The following GRIK4 variants were observed in gnomAD, a reference collection of about 807,000 sequenced individuals.
GRIK4 encodes glutamate receptor ionotropic, kainate 4.
In GRIK4, 40 loss-of-function variants were observed where a neutral mutation model predicts 104.9. That is an observed-to-expected ratio of 0.38 (90% CI 0.30 to 0.50). GRIK4 has a LOEUF of 0.50. GRIK4 is among the 20% of genes least tolerant of loss of function. GRIK4 has a pLI of 0.93. For missense variants in GRIK4, 1,047 were observed against 1,308.1 expected, an observed-to-expected ratio of 0.80 and a Z score of 3.08; for synonymous variants, 485 against 524.9, an observed-to-expected ratio of 0.92 and a Z score of 1.04.
intron 10 of GRIK4, among the ~76,000 whole-genome samples, 197 bp downstream of exon 10, chr11:120,874,415 A>T (rs1360133449): frequency 6.6e-6 from 1 of 152,202 alleles, no homozygotes. Context: ...CCCAATAACC[A>T]CTGAGAATTC....
chr11:120,571,138 TC>T, intron 1 of GRIK4, among the ~76,000 whole-genome samples: 1 of 152,304 alleles, frequency 6.6e-6, no homozygotes, highest in South Asian at 2.1e-4. Context: ...TCCTGGGACT[TC>T]CCTTGGCCCC....
intron 6 of GRIK4, among the ~76,000 whole-genome samples, chr11:120,829,402 G>A (rs1406377098): frequency 6.6e-6 from 1 of 152,152 alleles, no homozygotes; most frequent in African/African-American, 2.4e-5. Flanking sequence ...AATTCAGGCT[G>A]CCAAACAAAA....
intron 16 of GRIK4, among the ~76,000 whole-genome samples, chr11:120,957,896 G>T (rs1015441197): frequency 3.3e-5 from 5 of 152,184 alleles, no homozygotes; most frequent in African/African-American, 1.2e-4. Flanking sequence ...CCTGTCTGGG[G>T]TTTCCATTAT....
chr11:120,780,993 C>T (rs1004063243), intron 3 of GRIK4, among the ~76,000 whole-genome samples: 1 of 152,136 alleles, frequency 6.6e-6, no homozygotes, highest in African/African-American at 2.4e-5. Flanking sequence ...CTGCCTGCCT[C>T]GGCCTCCCAA....
chr11:120,555,423 T>C lies in GRIK4; in HGVS notation c.-159+43536T>C, dbSNP rs555395695. 1.3e-5 allele frequency among the ~76,000 whole-genome samples: 2 copies of C among 152,342 alleles called. No homozygotes were observed. Among genetic ancestry groups the C allele is most frequent in the Non-Finnish European group, 2.9e-5 (2 of 68,026 alleles). ...TTTGTTTCTCCAAGTCTGATTTGCATAGAGCTTGCTAAAAAAGCTTTCTAC... is the reference window on the plus strand; with the variant it reads ...TTTGTTTCTCCAAGTCTGATTTGCACAGAGCTTGCTAAAAAAGCTTTCTAC... On this transcript the variant is annotated intron_variant, in intron 1 of 20. Transcript: ENST00000527524. This position sits in a 1 kb window ranked among gnomAD's most constrained non-coding sequence, Gnocchi z 5.3.
chr11:120,583,211 G>A (rs1190303469), intron 1 of GRIK4, among the ~76,000 whole-genome samples: 1 of 152,044 alleles, frequency 6.6e-6, no homozygotes, highest in African/African-American at 2.4e-5. Flanking sequence ...TTTGGTTTTT[G>A]CTTGTTAATT....
intron 3 of GRIK4, among the ~76,000 whole-genome samples, chr11:120,750,350 CT>C (rs869135246): frequency 0.016 from 1,188 of 76,038 alleles, 9 homozygotes; most frequent in African/African-American, 0.051. Context: ...CTAGAAATCT[CT>C]TTTTTTTTTT....
intron 3 of GRIK4, among the ~76,000 whole-genome samples, chr11:120,780,373 G>A (rs998816895): frequency 3.9e-5 from 6 of 152,162 alleles, no homozygotes; most frequent in African/African-American, 1.2e-4. Flanking sequence ...CTCACATAGT[G>A]AAATCATACA....
intron 13 of GRIK4, among the ~76,000 whole-genome samples, chr11:120,937,287 G>A (rs1364339031): frequency 6.6e-6 from 1 of 151,974 alleles, no homozygotes; most frequent in African/African-American, 2.4e-5. Context: ...GATCCACCCA[G>A]CTCAGCCTCC....
Position 120,608,372 on chromosome 11 carries a change from A to G in GRIK4, c.-158-45313A>G, listed in dbSNP as rs558533050. On this transcript the variant is annotated intron_variant, in intron 1 of 20. Coordinates refer to ENST00000527524, the MANE Select transcript of GRIK4 (RefSeq NM_014619.5). ...AAATCTGGGAGGCGGAGTGCAAGGA[A>G]TACTTGCTAAGACTCAAAATCACTA... is the stretch of plus-strand genomic sequence containing the variant. 1.3e-4 allele frequency among the ~76,000 whole-genome samples: 20 copies of G among 152,366 alleles called. No individual in the cohort carries two copies. The South Asian group carries it at 4.1e-3, about 32-fold the overall frequency.
At chr11:120,670,072 A>G (rs967008142) in intron 3 of GRIK4, among the ~76,000 whole-genome samples, 3 of 152,174 alleles carry the variant, frequency 2.0e-5, no homozygotes, top group African/African-American at 7.2e-5. Context: ...CCTTGGAGTC[A>G]TCCTTGGTCT....
intron 20 of GRIK4, among the ~76,000 whole-genome samples, chr11:120,984,238 A>G (rs1236569415): frequency 6.6e-6 from 1 of 152,348 alleles, no homozygotes; most frequent in East Asian, 1.9e-4. Flanking sequence ...TGCCATTGGT[A>G]GAATTGGACG....
chr11:120,972,208 C>A (rs1944486717), intron 19 of GRIK4, among the ~76,000 whole-genome samples: 1 of 152,146 alleles, frequency 6.6e-6, no homozygotes, highest in South Asian at 2.1e-4. Flanking sequence ...CCAACAGTGC[C>A]CTGGACTGGG....
At chr11:120,745,284 G>C (rs981158837) in intron 3 of GRIK4, among the ~76,000 whole-genome samples, 2 of 152,070 alleles carry the variant, frequency 1.3e-5, no homozygotes, top group African/African-American at 4.8e-5. Context: ...AACCAGCATG[G>C]GTGAACATTC....
chr11:120,659,396 A>G (rs572273156), intron 2 of GRIK4, among the ~76,000 whole-genome samples: 3 of 152,338 alleles, frequency 2.0e-5, no homozygotes, highest in South Asian at 4.1e-4. Context: ...CATCTGGGCC[A>G]GGGAGGACCT....
intron 1 of GRIK4, among the ~76,000 whole-genome samples, chr11:120,590,133 C>T (rs1203086789): frequency 6.6e-6 from 1 of 152,142 alleles, no homozygotes; most frequent in African/African-American, 2.4e-5. Flanking sequence ...CCTTTTTCTT[C>T]TTTCTCTTTA....
intron 1 of GRIK4, among the ~76,000 whole-genome samples, chr11:120,641,019 G>C (rs564803884): frequency 1.3e-5 from 2 of 152,324 alleles, no homozygotes; most frequent in East Asian, 3.9e-4. Flanking sequence ...GCCCAGAAAT[G>C]CTAAACCTTT....
At chr11:120,585,662 A>C (rs1565561495) in intron 1 of GRIK4, among the ~76,000 whole-genome samples, 2 of 149,506 alleles carry the variant, frequency 1.3e-5, no homozygotes, top group Non-Finnish European at 3.0e-5. Flanking sequence ...TTCTACTCTG[A>C]TCTAGTTTGA....
intron 3 of GRIK4, among the ~76,000 whole-genome samples, chr11:120,701,881 A>G (rs1950556700): frequency 1.3e-5 from 2 of 151,978 alleles, no homozygotes; most frequent in African/African-American, 2.4e-5. Flanking sequence ...GGTAAAGCCA[A>G]CAGAATTTCT....
Sources: allele counts gnomAD v4.1 joint callset (sites outside exome capture counted in the v4.1 genomes callset), GRCh38; gene constraint gnomAD v4.1.1; non-coding constraint Gnocchi (gnomAD v3.1); transcripts MANE v1.5; gene names NCBI Gene and HGNC (gene_info 2026-07-23, HGNC 2026-07-21).